PDE10A: variants seen among roughly 807,000 people sequenced by gnomAD.
PDE10A encodes the protein phosphodiesterase 10A.
PDE10A carries 39 observed loss-of-function variants against 97.7 expected under a neutral mutation model. That is an observed-to-expected ratio of 0.40 (90% CI 0.31 to 0.52). The LOEUF is 0.52. PDE10A is among the 20% of genes least tolerant of loss of function. The probability of loss-of-function intolerance (pLI) is 0.56; values close to 1 mark genes in which losing one functional copy is unlikely to be tolerated. For missense variants in PDE10A, 731 were observed against 1,047.8 expected, an observed-to-expected ratio of 0.70 and a Z score of 4.17; for synonymous variants, 371 against 376.8, an observed-to-expected ratio of 0.98 and a Z score of 0.18.
chr6:165,836,491 A>G (rs12191225), intron 1 of PDE10A, among the ~76,000 whole-genome samples: 51,096 of 152,154 alleles, frequency 0.34, 9,086 homozygotes, highest in Middle Eastern at 0.39. Flanking sequence ...TCCAAACAAC[A>G]TGCTCTTTCT....
chr6:165,952,005 C>T (rs748578214), intron 1 of PDE10A, among the ~76,000 whole-genome samples: 4 of 152,346 alleles, frequency 2.6e-5, no homozygotes, highest in Admixed American at 6.5e-5. Flanking sequence ...TAAGTACTTT[C>T]CAACATGTGC....
chr6:165,543,993 T>A lies in PDE10A; in HGVS notation c.866-425A>T, dbSNP rs1783605453. On this transcript the variant is annotated intron_variant, in intron 1 of 21. Transcript: ENST00000539869. ...TCTAGCAATAAATTTCAGAGTTACA[T>A]ATGAACCAATGCCAAGAACCAATGC... Among the ~76,000 whole-genome samples the A allele has an allele frequency of 2.0e-5, 3 of 152,170 alleles. 1 individual carries two copies. The highest frequency in any genetic ancestry group is 2.0e-4 in the Admixed American group (3 of 15,270).
At chr6:165,748,452 C>T (rs1179428875) in intron 1 of PDE10A, among the ~76,000 whole-genome samples, 2 of 152,174 alleles carry the variant, frequency 1.3e-5, no homozygotes, top group Non-Finnish European at 2.9e-5. Context: ...GCGCACTCTC[C>T]GTAGCTTGGA....
chr6:165,419,266 G>A (rs1483777121), intron 10 of PDE10A, among the ~76,000 whole-genome samples: 3 of 152,284 alleles, frequency 2.0e-5, no homozygotes, highest in African/African-American at 7.2e-5. Context: ...AACCTCTAAG[G>A]AGATACATGG....
At chr6:165,736,209 TA>T (rs1282284887) in intron 1 of PDE10A, among the ~76,000 whole-genome samples, 1 of 152,024 alleles carries the variant, frequency 6.6e-6, no homozygotes, top group Non-Finnish European at 1.5e-5. Context: ...AAAGAAACTG[TA>T]AAAAGGGAAC....
At chr6:165,909,274 G>A (rs1583271171) in intron 1 of PDE10A, among the ~76,000 whole-genome samples, 2 of 152,312 alleles carry the variant, frequency 1.3e-5, no homozygotes, top group East Asian at 1.9e-4. Context: ...AAGAAAGGAG[G>A]AAAAGAGAGG....
At chr6:165,845,456 CAG>C (rs1284765148) in intron 1 of PDE10A, among the ~76,000 whole-genome samples, 1 of 152,144 alleles carries the variant, frequency 6.6e-6, no homozygotes, top group African/African-American at 2.4e-5. Flanking sequence ...GTTCACAGGA[CAG>C]AACTCCACAA....
At position 165,331,313 on chromosome 6, in the gene PDE10A, T is replaced by C. The variant is rs1198518132; in HGVS notation, c.*1712A>G. ...CATAGTGTATAATGAAAATAGCAAA[T>C]GGAGCTCCACGGAGGGAAGATGGCA... On this transcript the variant is annotated 3_prime_UTR_variant, in exon 22 of 22. Transcript: ENST00000539869. 6.6e-6 allele frequency: 1 copy of C among 152,112 alleles called. No individual in the cohort carries two copies. Among genetic ancestry groups the C allele is most frequent in the Non-Finnish European group, 1.5e-5 (1 of 68,018 alleles). 9.4% of individuals were successfully genotyped at this position (152,112 alleles called of 1,614,324 possible). A position where few individuals can be genotyped will look rare whatever the true frequency, so the allele number is the denominator to read the frequency against.
rs571734990 is a variant in PDE10A, at chr6:165,626,803, C to G, written c.865+35144G>C. On this transcript the variant is annotated intron_variant, in intron 1 of 21. Transcript: ENST00000539869. The stretch of plus-strand genomic sequence containing the variant: ...GAGCTGGGGATGGGGTGGACAGGGA[C>G]AGTTAACAAACACAAAGGGTCATTC... Among the ~76,000 whole-genome samples the G allele has an allele frequency of 1.0e-3, 158 of 152,078 alleles. 1 individual carries two copies. The highest frequency in any genetic ancestry group is 2.0e-3 in the Non-Finnish European group (137 of 68,026).
intron 1 of PDE10A, among the ~76,000 whole-genome samples, chr6:165,563,306 G>C (rs1381610194): frequency 1.3e-5 from 2 of 151,974 alleles, no homozygotes; most frequent in African/African-American, 4.8e-5. Context: ...ATGAGATCAA[G>C]AAGTTACTAT....
intron 1 of PDE10A, among the ~76,000 whole-genome samples, chr6:165,967,350 A>G (rs763518298): frequency 6.6e-6 from 1 of 152,170 alleles, no homozygotes; most frequent in Non-Finnish European, 1.5e-5. Context: ...TACAAACATT[A>G]GCCGGCTGTG....
intron 3 of PDE10A, among the ~76,000 whole-genome samples, chr6:165,479,498 C>T (rs1305526554): frequency 6.6e-6 from 1 of 152,204 alleles, no homozygotes; most frequent in African/African-American, 2.4e-5. Context: ...AAATTAACCT[C>T]TCCTGACCAC....
At position 165,767,316 on chromosome 6, in the gene PDE10A, T is replaced by G. The variant is rs1300788492; in HGVS notation, c.-615+220213A>C. Reference sequence around the variant, plus strand: ...TACATATACCATAAAATTCATCCTTTAAAAGTACACAATTCAGGGGTTTTT... The same window carrying G: ...TACATATACCATAAAATTCATCCTTGAAAAGTACACAATTCAGGGGTTTTT... On this transcript the variant is annotated intron_variant, in intron 1 of 19. Transcript: ENST00000366882. 2.6e-5 allele frequency among the ~76,000 whole-genome samples: 4 copies of G among 152,226 alleles called. No individual in the cohort carries two copies. In the East Asian group the frequency reaches 7.7e-4, roughly 29 times the overall value.
intron 1 of PDE10A, among the ~76,000 whole-genome samples, chr6:165,822,293 C>T (rs1779597350): frequency 2.1e-5 from 3 of 143,344 alleles, no homozygotes; most frequent in Admixed American, 1.4e-4. Flanking sequence ...CTGGATGGCA[C>T]AGCCCAACAC....
At chr6:165,966,278 AC>A (rs904246265) in intron 1 of PDE10A, among the ~76,000 whole-genome samples, 33 of 152,156 alleles carry the variant, frequency 2.2e-4, no homozygotes, top group African/African-American at 7.7e-4. Flanking sequence ...AAGGCTGTAG[AC>A]CCCTTGTTTC....
chr6:165,869,915 C>T (rs1306415036), intron 1 of PDE10A, among the ~76,000 whole-genome samples: 1 of 151,868 alleles, frequency 6.6e-6, no homozygotes, highest in African/African-American at 2.4e-5. Flanking sequence ...AAAACTGGAC[C>T]CCTGCCTCTC....
intron 1 of PDE10A, among the ~76,000 whole-genome samples, chr6:165,561,940 G>A (rs1307890136): frequency 6.6e-6 from 1 of 152,106 alleles, no homozygotes; most frequent in Non-Finnish European, 1.5e-5. Context: ...AGAGAAATAA[G>A]AGAAAGTTTT....
At chr6:165,936,479 C>T (rs1484886582) in intron 1 of PDE10A, among the ~76,000 whole-genome samples, 2 of 152,168 alleles carry the variant, frequency 1.3e-5, no homozygotes, top group African/African-American at 2.4e-5. Flanking sequence ...GAAGAAAGAA[C>T]AGATGGTCAC....
chr6:165,981,740 T>C (rs1377609209), intron 1 of PDE10A, among the ~76,000 whole-genome samples: 1 of 152,232 alleles, frequency 6.6e-6, no homozygotes. Context: ...TCTGTAAAAA[T>C]GCATGCTTGT....
Sources: allele counts gnomAD v4.1 joint callset (sites outside exome capture counted in the v4.1 genomes callset), GRCh38; gene constraint gnomAD v4.1.1; transcripts MANE v1.5; gene names NCBI Gene and HGNC (gene_info 2026-07-23, HGNC 2026-07-21).